INPP5B: variants seen among roughly 807,000 people sequenced by gnomAD.
INPP5B encodes inositol polyphosphate-5-phosphatase B.
INPP5B carries 90 observed loss-of-function variants against 118.5 expected under a neutral mutation model. That is an observed-to-expected ratio of 0.76 (90% CI 0.64 to 0.90). The LOEUF is 0.90. Among genes scored for constraint, INPP5B ranks in the 40% least tolerant of loss-of-function variants. The probability of loss-of-function intolerance (pLI) is 0.00; values close to 1 mark genes in which losing one functional copy is unlikely to be tolerated. For missense variants in INPP5B, 984 were observed against 1,125.6 expected (o/e 0.87, Z 1.80); for synonymous variants, 385 against 418.9 (o/e 0.92, Z 0.99).
Position 37,885,852 on chromosome 1 carries a change from C to A in INPP5B, c.1132-27G>T, listed in dbSNP as rs1643495726. 2.5e-6 allele frequency: 4 copies of A among 1,605,308 alleles called. No homozygotes were observed. The South Asian group carries it at 4.4e-5, about 18-fold the overall frequency. On this transcript the variant is annotated intron_variant, in intron 12 of 23. Coordinates refer to ENST00000373024, the MANE Select transcript of INPP5B (RefSeq NM_005540.3). ...TATGGAAAGGATCCCCAAAGAAATC[C>A]AATTCAAACTTAATTGTGTCAGTCA...
chr1:37,932,363 C>CTTTTTTTTTTT (rs58150703), intron 6 of INPP5B, among the ~76,000 whole-genome samples: 32 of 87,806 alleles, frequency 3.6e-4, no homozygotes, highest in Admixed American at 7.0e-4. Flanking sequence ...CTTTTCTTTT[C>CTTTTTTTTTTT]TTTTTTTTTT....
intron 7 of INPP5B, among the ~76,000 whole-genome samples, chr1:37,891,718 G>A (rs2148523825): frequency 6.6e-6 from 1 of 152,304 alleles, no homozygotes; most frequent in Admixed American, 6.5e-5. Context: ...AGGTTGCAGT[G>A]AGCCAAGATC....
intron 7 of INPP5B, among the ~76,000 whole-genome samples, chr1:37,897,776 TAAAAA>T (rs1160022132): frequency 6.6e-6 from 1 of 151,142 alleles, no homozygotes; most frequent in Non-Finnish European, 1.5e-5. Flanking sequence ...TAAATAAAAA[TAAAAA>T]TAAAATAAGA....
chr1:37,869,505 G>C (rs1367415473), intron 19 of INPP5B, among the ~76,000 whole-genome samples: 1 of 151,044 alleles, frequency 6.6e-6, no homozygotes, highest in Non-Finnish European at 1.5e-5. Flanking sequence ...ATTCGAGATG[G>C]AGTCTTGCTC....
At chr1:37,885,461 A>G (rs1643473858) in intron 13 of INPP5B, 177 bp downstream of exon 13, 4 of 538,600 alleles carry the variant, frequency 7.4e-6, no homozygotes, top group Non-Finnish European at 3.3e-6. Context: ...GATCTGCCAG[A>G]TAGCAAGTTA....
chr1:37,943,622 A>G lies in INPP5B; in HGVS notation c.280+18T>C. 2 of 1,613,836 alleles carry G rather than the reference A, an allele frequency of 1.2e-6. No homozygotes were observed. The highest frequency in any genetic ancestry group is 2.2e-5 in the South Asian group (2 of 91,068). On this transcript the variant is annotated intron_variant, in intron 5 of 23. Coordinates refer to ENST00000373024, the MANE Select transcript of INPP5B (RefSeq NM_005540.3). ...CACCCCTGCCCCGAGTGGGACCCAG[A>G]CCAAGAGGACCACTCACCAAGGATG...
At position 37,875,657 on chromosome 1, in the gene INPP5B, C is replaced by CAG; in HGVS notation, c.1735_1736dup (p.Asp580TrpfsTer24). 6.2e-7 allele frequency: 1 copy of CAG among 1,614,168 alleles called. No homozygotes were observed. The highest frequency in any genetic ancestry group is 8.5e-7 in the Non-Finnish European group (1 of 1,180,014). On this transcript the variant is annotated frameshift_variant, in exon 17 of 24. Transcript: ENST00000373024. LOFTEE classifies it high-confidence loss of function. ...GAATGTTGGCATTTTCCATCTTATC[C>CAG]AGGGAGCGAACAATTTCCTCCAGTG...
chr1:37,895,604 A>G (rs972389334), intron 7 of INPP5B, among the ~76,000 whole-genome samples: 2 of 150,008 alleles, frequency 1.3e-5, no homozygotes, highest in East Asian at 2.0e-4. Context: ...GCTCACTGCA[A>G]CCTCCCTGCC....
chr1:37,895,317 C>A (rs1163936131), intron 7 of INPP5B, among the ~76,000 whole-genome samples: 2 of 152,172 alleles, frequency 1.3e-5, no homozygotes, highest in Non-Finnish European at 2.9e-5. Flanking sequence ...ACCCATGACA[C>A]TCCTAGATAT....
In INPP5B at chr1:37,946,299, A is replaced by G; in HGVS notation, c.10T>C (p.Ser4Pro). 6.2e-7 allele frequency: 1 copy of G among 1,611,864 alleles called. No homozygotes were observed. Residue 4 changes from serine to proline, a missense_variant, in exon 2 of 24, where the codon TCT becomes CCT. By Grantham distance (74) the Ser-to-Pro change is moderately conservative. Around this residue, in one of 2 missense-constraint regions of INPP5B, gnomAD observed 350 missense variants for 334.6 expected, o/e 1.05. Transcript: ENST00000373024. MDQ[S>P]VAIQETLAEG... ...GCCAGCGTCTCCTGGATTGCCACAG[A>G]CTGGTCCATGCTGGCCCCTGCTGAG... is the stretch of plus-strand genomic sequence containing the variant.
intron 7 of INPP5B, among the ~76,000 whole-genome samples, chr1:37,924,251 C>T (rs1645149785): frequency 6.6e-6 from 1 of 152,038 alleles, no homozygotes; most frequent in African/African-American, 2.4e-5. Flanking sequence ...TCACTGCAAC[C>T]TCCACCTCTG....
At position 37,886,953 on chromosome 1, in the gene INPP5B, C is replaced by T. The variant is rs1376220054; in HGVS notation, c.1066G>A (p.Glu356Lys). The T allele has an allele frequency of 2.5e-6, 4 of 1,614,096 alleles. No homozygotes were observed. In the East Asian group the frequency reaches 8.9e-5, roughly 36 times the overall value. The change falls in exon 12 of 24, where the codon GAG (glutamate) becomes AAG (lysine). Residue 356 changes from glutamate to lysine, a missense_variant. This residue lies in a region of INPP5B where 634 missense variants were observed against 791.0 expected (regional missense o/e 0.80). Transcript: ENST00000373024. ...GIMLLLYVKQ[E>K]HAAYISEVEA... ...ACTTCTGAGATATAAGCTGCATGCT[C>T]CTGTTTGACATATAACAGCAGCATA...
intron 7 of INPP5B, among the ~76,000 whole-genome samples, chr1:37,891,857 G>C (rs993556078): frequency 1.8e-4 from 27 of 152,194 alleles, no homozygotes; most frequent in Admixed American, 1.6e-3. Flanking sequence ...GGAAATTGTA[G>C]TCTAGGAATT....
At chr1:37,938,588 C>T (rs1645793857) in intron 6 of INPP5B, among the ~76,000 whole-genome samples, 1 of 152,164 alleles carries the variant, frequency 6.6e-6, no homozygotes, top group African/African-American at 2.4e-5. Context: ...CAAAGTTGCA[C>T]AGCTAGGTAC....
At chr1:37,867,904 T>C (rs906531543) in intron 20 of INPP5B, among the ~76,000 whole-genome samples, 2 of 152,084 alleles carry the variant, frequency 1.3e-5, no homozygotes, top group African/African-American at 4.8e-5. Flanking sequence ...AGGAGAGCGA[T>C]GACATCCTGA....
chr1:37,934,686 T>C (rs1645616906), intron 6 of INPP5B, among the ~76,000 whole-genome samples: 2 of 152,192 alleles, frequency 1.3e-5, no homozygotes, highest in African/African-American at 2.4e-5. Context: ...CTCAGAGAAG[T>C]TGGTTGGTAC....
At chr1:37,885,867 T>G (rs1448734407) in intron 12 of INPP5B, 42 bp from the exon 13 acceptor site, 5 of 1,584,060 alleles carry the variant, frequency 3.2e-6, no homozygotes, top group Non-Finnish European at 4.3e-6. Flanking sequence ...CAAACTTAAT[T>G]GTGTCAGTCA....
chr1:37,934,341 C>T (rs4652972), intron 6 of INPP5B, among the ~76,000 whole-genome samples: 152,295 of 152,296 alleles, frequency 1, 76,147 homozygotes, highest in Non-Finnish European at 1. Flanking sequence ...TTCAGAAGAC[C>T]AAACGGAGAA....
intron 7 of INPP5B, among the ~76,000 whole-genome samples, chr1:37,902,976 C>A (rs1437869698): frequency 6.7e-6 from 1 of 148,936 alleles, no homozygotes; most frequent in African/African-American, 2.4e-5. Context: ...CAGTGAGACC[C>A]TGTCTCAAAA....
Sources: gnomAD v4.1 joint callset for allele counts (sites outside exome capture counted in the v4.1 genomes callset) on GRCh38, gnomAD v4.1.1 for gene constraint, gnomAD v4.1.1 regional missense constraint, MANE v1.5 for transcripts, NCBI Gene and HGNC (gene_info 2026-07-23, HGNC 2026-07-21) for gene names.